The following PTPRD variants were observed in gnomAD, a reference collection of about 807,000 sequenced individuals.
The protein encoded by PTPRD is protein tyrosine phosphatase receptor type D, also known as receptor-type tyrosine-protein phosphatase delta.
PTPRD carries 34 observed loss-of-function variants against 214.5 expected under a neutral mutation model. The ratio of observed to expected loss-of-function variants is 0.16; its 90% CI spans 0.12 to 0.21. The LOEUF is 0.21. Among genes scored for constraint, PTPRD ranks in the 10% least tolerant of loss-of-function variants. The probability of loss-of-function intolerance (pLI) is 1.00; values close to 1 mark genes in which losing one functional copy is unlikely to be tolerated. For missense variants in PTPRD, 2,545 were observed against 2,398.7 expected, an observed-to-expected ratio of 1.06 and a Z score of -1.27; for synonymous variants, 1,128 against 845.7, an observed-to-expected ratio of 1.33 and a Z score of -5.79.
At chr9:8,380,153 A>C (rs1044816892) in intron 37 of PTPRD, among the ~76,000 whole-genome samples, 3 of 152,194 alleles carry the variant, frequency 2.0e-5, no homozygotes, top group Non-Finnish European at 4.4e-5. Context: ...CATGTTATTA[A>C]TTTCAGCAGA....
At chr9:10,245,278 T>C (rs2091892767) in intron 3 of PTPRD, among the ~76,000 whole-genome samples, 1 of 152,134 alleles carries the variant, frequency 6.6e-6, no homozygotes, top group Admixed American at 6.5e-5. Context: ...AATCAACATA[T>C]ATTCCTTTAC....
At chr9:9,787,631 A>AAATC (rs1429380020) in intron 5 of PTPRD, among the ~76,000 whole-genome samples, 1 of 152,030 alleles carries the variant, frequency 6.6e-6, no homozygotes, top group African/African-American at 2.4e-5. Flanking sequence ...GGGATTTGGG[A>AAATC]CACCCAATAA....
In PTPRD at chr9:10,271,998, AATATG is replaced by A. The variant is rs2154383346; in HGVS notation, c.-545+68960_-545+68964del. ...TGTACCATATCATTCATCCATTTAA[AATATG>A]AATTTTGTTATATTCACAGAGTTTT... On this transcript the variant is annotated intron_variant, in intron 3 of 45. Coordinates refer to ENST00000381196, the MANE Select transcript of PTPRD (RefSeq NM_002839.4). Among the ~76,000 whole-genome samples the A allele has an allele frequency of 2.0e-5, 3 of 151,616 alleles. No individual in the cohort carries two copies. In the East Asian group the frequency reaches 5.9e-4, roughly 30 times the overall value.
At chr9:10,558,769 G>A (rs979214928) in intron 2 of PTPRD, among the ~76,000 whole-genome samples, 1 of 152,096 alleles carries the variant, frequency 6.6e-6, no homozygotes, top group African/African-American at 2.4e-5. Context: ...TGGATGAATG[G>A]ATTCACTCAA....
At chr9:9,539,253 C>A (rs1303278464) in intron 8 of PTPRD, among the ~76,000 whole-genome samples, 3 of 151,652 alleles carry the variant, frequency 2.0e-5, no homozygotes, top group African/African-American at 7.3e-5. Context: ...GTGGCAGGTA[C>A]CTAGGCCCTT....
intron 11 of PTPRD, among the ~76,000 whole-genome samples, chr9:8,846,476 T>C (rs1022389267): frequency 1.3e-5 from 2 of 152,122 alleles, no homozygotes; most frequent in African/African-American, 4.8e-5. Flanking sequence ...ATAGACACTA[T>C]ATGTAGAATT....
chr9:8,353,051 C>A (rs935721939), intron 39 of PTPRD, among the ~76,000 whole-genome samples: 2 of 151,892 alleles, frequency 1.3e-5, no homozygotes, highest in African/African-American at 4.8e-5. Context: ...GTGGAGGCTG[C>A]AGTGAGCCGA....
intron 2 of PTPRD, among the ~76,000 whole-genome samples, chr9:10,576,930 A>C (rs999597741): frequency 6.6e-6 from 1 of 151,764 alleles, no homozygotes; most frequent in African/African-American, 2.4e-5. Context: ...TCATGTGGCC[A>C]TGTCTCTAGT....
At chr9:8,433,815 A>T (rs142480845) in intron 35 of PTPRD, among the ~76,000 whole-genome samples, 1 of 152,202 alleles carries the variant, frequency 6.6e-6, no homozygotes, top group South Asian at 2.1e-4. Context: ...AACTTTTAAA[A>T]TAAATTTGGT....
At chr9:8,389,146 G>C (rs1339919163) in intron 37 of PTPRD, 86 bp downstream of exon 37, 3 of 1,187,478 alleles carry the variant, frequency 2.5e-6, no homozygotes, top group South Asian at 1.6e-5. Context: ...TTAGGGAAAG[G>C]TTAGATTCTG....
intron 11 of PTPRD, among the ~76,000 whole-genome samples, chr9:8,817,542 G>C (rs1222197288): frequency 6.6e-6 from 1 of 152,084 alleles, no homozygotes; most frequent in Non-Finnish European, 1.5e-5. Context: ...GAGGTACAAA[G>C]ATTGCTTGAG....
chr9:10,468,432 T>C (rs1225349652), intron 2 of PTPRD, among the ~76,000 whole-genome samples: 1 of 151,898 alleles, frequency 6.6e-6, no homozygotes, highest in Non-Finnish European at 1.5e-5. Flanking sequence ...TTCTCACTCA[T>C]AAGAGGGAGG....
In PTPRD at chr9:9,079,543, T is replaced by G. The variant is rs140003512; in HGVS notation, c.-142-60808A>C. Among the ~76,000 whole-genome samples the G allele has an allele frequency of 5.3e-3, 808 of 152,206 alleles. 8 individuals carry two copies. Among genetic ancestry groups the G allele is most frequent in the African/African-American group, 0.019 (770 of 41,544 alleles). ...GGGGGATTGCTGGACAATATGTAGT[T>G]GCATTTGTAGTTGTTTGAGGAACCT... On this transcript the variant is annotated intron_variant, in intron 10 of 45. Transcript: ENST00000381196.
intron 3 of PTPRD, among the ~76,000 whole-genome samples, chr9:10,086,810 A>G (rs923344303): frequency 6.6e-6 from 1 of 151,830 alleles, no homozygotes; most frequent in Non-Finnish European, 1.5e-5. Flanking sequence ...ATTTCAGGAG[A>G]TGAGTTCAAA....
intron 8 of PTPRD, among the ~76,000 whole-genome samples, chr9:9,437,443 AG>A (rs2085752477): frequency 2.5e-5 from 1 of 39,226 alleles, no homozygotes; most frequent in South Asian, 6.3e-4. Flanking sequence ...GAGGTGTATC[AG>A]GTTTTTTTAT....
chr9:9,163,802 C>T (rs1276781072), intron 10 of PTPRD, among the ~76,000 whole-genome samples: 1 of 152,200 alleles, frequency 6.6e-6, no homozygotes, highest in African/African-American at 2.4e-5. Flanking sequence ...TCCAGATATA[C>T]TGAACTCCCA....
chr9:8,975,861 C>T (rs527364842), intron 11 of PTPRD, among the ~76,000 whole-genome samples: 3 of 151,510 alleles, frequency 2.0e-5, no homozygotes, highest in Admixed American at 6.6e-5. Flanking sequence ...TCTATGCTAG[C>T]TTTCTTACTT....
chr9:9,020,959 T>C, intron 10 of PTPRD, among the ~76,000 whole-genome samples: 1 of 152,304 alleles, frequency 6.6e-6, no homozygotes, highest in Middle Eastern at 3.4e-3. Context: ...CTTATGTTTT[T>C]TTAGAGACTA....
intron 5 of PTPRD, among the ~76,000 whole-genome samples, chr9:9,914,557 A>C (rs974083249): frequency 2.0e-5 from 3 of 152,166 alleles, no homozygotes; most frequent in South Asian, 2.1e-4. Flanking sequence ...TGCCCTTAGA[A>C]GACACACAGC....
Sources: gnomAD v4.1 joint callset for allele counts (sites outside exome capture counted in the v4.1 genomes callset) on GRCh38, gnomAD v4.1.1 for gene constraint, MANE v1.5 for transcripts, NCBI Gene and HGNC (gene_info 2026-07-23, HGNC 2026-07-21) for gene names.